The following STOML3 variants were observed in gnomAD, a reference collection of about 807,000 sequenced individuals.
STOML3 encodes stomatin-like protein 3.
Under a neutral mutation model 29.5 loss-of-function variants are expected in STOML3, and 31 were observed. The ratio of observed to expected loss-of-function variants is 1.05; its 90% CI spans 0.79 to 1.42. The LOEUF (loss-of-function observed/expected upper bound fraction) is 1.42. STOML3 is among the 40% of genes most tolerant of loss of function. STOML3 has a pLI of 0.00. For missense variants in STOML3, 380 were observed against 363.0 expected (o/e 1.05, Z -0.38); for synonymous variants, 122 against 139.8 (o/e 0.87, Z 0.90).
At chr13:38,988,130 T>G (rs1345806532) in intron 1 of STOML3, among the ~76,000 whole-genome samples, 4 of 73,190 alleles carry the variant, frequency 5.5e-5, no homozygotes, top group African/African-American at 3.2e-4. Context: ...TATATTATAT[T>G]TTATATCATA....
chr13:38,973,723 C>G (rs1880974601), intron 3 of STOML3, among the ~76,000 whole-genome samples: 1 of 152,138 alleles, frequency 6.6e-6, no homozygotes, highest in African/African-American at 2.4e-5. Flanking sequence ...GCTAGATATA[C>G]AGACTAAAGT....
chr13:38,985,234 G>T (rs1035129971), intron 1 of STOML3, among the ~76,000 whole-genome samples: 5 of 152,048 alleles, frequency 3.3e-5, no homozygotes, highest in African/African-American at 1.2e-4. Flanking sequence ...GACCAGCCTG[G>T]CCAACATGGT....
rs1177236485 is a variant in STOML3 at position 38,988,221 on chromosome 13, T to C, written c.52+2449A>G. 3.6e-5 allele frequency among the ~76,000 whole-genome samples: 3 copies of C among 84,444 alleles called. No homozygotes were observed. In the East Asian group the frequency reaches 1.2e-3, roughly 33 times the overall value. The allele number at this position is 84,444 out of a possible 152,430, so 55.4% of individuals were successfully genotyped here. On this transcript the variant is annotated intron_variant, in intron 1 of 6. Transcript: ENST00000379631. ...ATATTTCATATAAAATATATGATATTTTATATCATATATTTTATATATAAT... is the reference window on the plus strand; with the variant it reads ...ATATTTCATATAAAATATATGATATCTTATATCATATATTTTATATATAAT...
At chr13:38,987,772 T>C (rs1431939066) in intron 1 of STOML3, among the ~76,000 whole-genome samples, 1 of 119,112 alleles carries the variant, frequency 8.4e-6, no homozygotes, top group Non-Finnish European at 1.6e-5. Flanking sequence ...ATATAATATA[T>C]ACTATTGTGT....
intron 4 of STOML3, among the ~76,000 whole-genome samples, 169 bp from the exon 5 acceptor site, chr13:38,970,557 T>C (rs879080833): frequency 2.0e-5 from 3 of 152,206 alleles, no homozygotes; most frequent in African/African-American, 4.8e-5. Context: ...TCCCAGCTGA[T>C]ACGCAATTCC....
intron 1 of STOML3, among the ~76,000 whole-genome samples, chr13:38,981,953 T>G (rs1167335810): frequency 1.3e-5 from 2 of 152,204 alleles, no homozygotes; most frequent in Non-Finnish European, 2.9e-5. Flanking sequence ...AAGAAAAATA[T>G]GTTCAACAAT....
intron 1 of STOML3, among the ~76,000 whole-genome samples, chr13:38,985,193 G>A (rs1868461124): frequency 6.6e-6 from 1 of 152,142 alleles, no homozygotes; most frequent in South Asian, 2.1e-4. Flanking sequence ...GGAGGCCAAG[G>A]CAGGTGGATT....
chr13:38,970,140 A>T, intron 5 of STOML3, 45 bp downstream of exon 5: 1 of 1,548,188 alleles, frequency 6.5e-7, no homozygotes, highest in African/African-American at 1.4e-5. Context: ...GATAATTAAA[A>T]TTAACAAGTT....
intron 1 of STOML3, among the ~76,000 whole-genome samples, chr13:38,987,378 G>C (rs557412208): frequency 6.6e-6 from 1 of 151,902 alleles, no homozygotes; most frequent in Admixed American, 6.6e-5. Flanking sequence ...ACAAAAATTA[G>C]CCAGCCATGG....
At chr13:38,990,612 A>G in intron 1 of STOML3, 58 bp downstream of exon 1, 1 of 1,574,290 alleles carries the variant, frequency 6.4e-7, no homozygotes. Context: ...ATAATGCTAC[A>G]ACTCCTGCTT....
chr13:38,984,060 A>G (rs11843459), intron 1 of STOML3, among the ~76,000 whole-genome samples: 18 of 151,910 alleles, frequency 1.2e-4, no homozygotes, highest in African/African-American at 4.4e-4. Context: ...TACCATCACC[A>G]TCACCCCAAC....
intron 1 of STOML3, among the ~76,000 whole-genome samples, chr13:38,988,181 T>C (rs1394672935): frequency 2.7e-5 from 2 of 75,466 alleles, no homozygotes; most frequent in Non-Finnish European, 4.1e-5. Flanking sequence ...TATTATATTT[T>C]ATATAAAATA....
chr13:38,967,962 A>G lies in STOML3; in HGVS notation c.651+438T>C, dbSNP rs1593495891. Among the ~76,000 whole-genome samples, 5 of 152,040 alleles carry G rather than the reference A, an allele frequency of 3.3e-5. No homozygotes were observed. In the South Asian group the frequency reaches 1.0e-3, roughly 32 times the overall value. ...ATTCCAGCAACGTTTAATATACAAG[A>G]ACAACAATGCGCAAAAGACAGGTTC... On this transcript the variant is annotated intron_variant, in intron 6 of 6. Coordinates refer to ENST00000379631, the MANE Select transcript of STOML3 (RefSeq NM_145286.3).
rs947074117 is a variant in STOML3, at chr13:38,978,993, C to T, written c.53-2196G>A. Among the ~76,000 whole-genome samples, 3 of 152,148 alleles carry T rather than the reference C, an allele frequency of 2.0e-5. No individual in the cohort carries two copies. The South Asian group carries it at 6.2e-4, about 31-fold the overall frequency. ...ACCAACAGCATAGAAGTGCTTATTCCCACATGTCCTTTTCTCCTTAAATCA... is the reference window on the plus strand; with the variant it reads ...ACCAACAGCATAGAAGTGCTTATTCTCACATGTCCTTTTCTCCTTAAATCA... On this transcript the variant is annotated intron_variant, in intron 1 of 6. Coordinates refer to ENST00000379631, the MANE Select transcript of STOML3 (RefSeq NM_145286.3).
chr13:38,971,397 TC>T (rs1880861974), intron 4 of STOML3, among the ~76,000 whole-genome samples: 1 of 152,164 alleles, frequency 6.6e-6, no homozygotes, highest in Non-Finnish European at 1.5e-5. Flanking sequence ...CATGTTTGAG[TC>T]CTGGTTGAGT....
intron 1 of STOML3, among the ~76,000 whole-genome samples, chr13:38,988,303 ATT>A: frequency 2.4e-5 from 2 of 84,784 alleles, no homozygotes; most frequent in African/African-American, 5.8e-5. Flanking sequence ...TATATCATAT[ATT>A]TTATATATAA....
rs1321990602 is a variant in STOML3, at chr13:38,966,900, A to C, written c.801T>G (p.Pro267=). 6.2e-7 allele frequency: 1 copy of C among 1,614,102 alleles called. No individual in the cohort carries two copies. Among genetic ancestry groups the C allele is most frequent in the Non-Finnish European group, 8.5e-7 (1 of 1,180,024 alleles). The change falls in exon 7 of 7, where the codon CCT becomes CCG. Residue 267 remains proline, a synonymous_variant. Coordinates refer to ENST00000379631, the MANE Select transcript of STOML3 (RefSeq NM_145286.3). ...TGCCCTCTAGTATATTCATGGGCAG[A>C]GGAAACACAATCGTAGAATTCTTCT... is the stretch of plus-strand genomic sequence containing the variant. ...ATEKNSTIVF[P]LPMNILEGIG...
rs1464836018 is a variant in STOML3, at chr13:38,988,198, A to G, written c.52+2472T>C. On this transcript the variant is annotated intron_variant, in intron 1 of 6. Coordinates refer to ENST00000379631, the MANE Select transcript of STOML3 (RefSeq NM_145286.3). The stretch of plus-strand genomic sequence containing the variant: ...TTATATTTTATATAAAATATATTAT[A>G]TTTCATATAAAATATATGATATTTT... Among the ~76,000 whole-genome samples, 13 of 68,758 alleles carry G rather than the reference A, an allele frequency of 1.9e-4. 4 individuals are homozygous for G. The highest frequency in any genetic ancestry group is 1.3e-3 in the African/African-American group (13 of 10,230). 45.1% of individuals were successfully genotyped at this position (68,758 alleles called of 152,430 possible). A position where few individuals can be genotyped will look rare whatever the true frequency, so the allele number is the denominator to read the frequency against.
chr13:38,983,795 A>G (rs1290227420), intron 1 of STOML3, among the ~76,000 whole-genome samples: 1 of 152,210 alleles, frequency 6.6e-6, no homozygotes, highest in African/African-American at 2.4e-5. Flanking sequence ...CAGTAGTTGC[A>G]TGAAGTTTAC....
Sources: gnomAD v4.1 joint callset for allele counts (sites outside exome capture counted in the v4.1 genomes callset) on GRCh38, gnomAD v4.1.1 for gene constraint, MANE v1.5 for transcripts, NCBI Gene and HGNC (gene_info 2026-07-23, HGNC 2026-07-21) for gene names.